Variants in SRRM4 observed in about 807,000 individuals in gnomAD.
The protein encoded by SRRM4 is serine/arginine repetitive matrix protein 4.
A neutral mutation model predicts 68.9 loss-of-function variants in SRRM4; 33 were observed. That is an observed-to-expected ratio of 0.48 (90% CI 0.36 to 0.64). The LOEUF is 0.64. Ranked by LOEUF, SRRM4 falls within the 30% of genes least tolerant of loss-of-function variation. The pLI is 0.00. For synonymous variants in SRRM4, 318 were observed against 318.8 expected, an observed-to-expected ratio of 1.00 and a Z score of 0.03; for missense variants, 817 against 827.1, an observed-to-expected ratio of 0.99 and a Z score of 0.15.
intron 1 of SRRM4, among the ~76,000 whole-genome samples, chr12:119,016,428 G>A (rs1953481391): frequency 6.7e-6 from 1 of 148,444 alleles, no homozygotes; most frequent in Admixed American, 6.8e-5. Context: ...TTGCCCTCCA[G>A]AGTTCAGAAT....
chr12:119,020,809 G>A (rs1953511420), intron 1 of SRRM4, among the ~76,000 whole-genome samples: 1 of 152,232 alleles, frequency 6.6e-6, no homozygotes, highest in South Asian at 2.1e-4. Context: ...GGGAAATAAA[G>A]AGGATTTTAT....
intron 1 of SRRM4, among the ~76,000 whole-genome samples, chr12:118,995,839 T>G (rs896972365): frequency 1.3e-5 from 2 of 152,310 alleles, no homozygotes; most frequent in African/African-American, 4.8e-5. Flanking sequence ...CCTGCATCCA[T>G]TTATTTATCC....
At chr12:119,084,561 C>T (rs1302103333) in intron 1 of SRRM4, among the ~76,000 whole-genome samples, 1 of 152,198 alleles carries the variant, frequency 6.6e-6, no homozygotes, top group Non-Finnish European at 1.5e-5. Context: ...CCTTAGTTAA[C>T]CTCTCCCTTG....
chr12:119,089,669 A>G (rs770182842), intron 1 of SRRM4, among the ~76,000 whole-genome samples: 1 of 152,140 alleles, frequency 6.6e-6, no homozygotes, highest in Non-Finnish European at 1.5e-5. Flanking sequence ...GCAGAGTTGG[A>G]GTCTTCTGAG....
At chr12:119,075,602 TTGA>T (rs1323302364) in intron 1 of SRRM4, among the ~76,000 whole-genome samples, 4 of 92,160 alleles carry the variant, frequency 4.3e-5, no homozygotes, top group Admixed American at 3.1e-4. Flanking sequence ...GATGATGATG[TTGA>T]TGATGGTGGT....
chr12:119,034,255 C>A (rs1431304415), intron 1 of SRRM4, among the ~76,000 whole-genome samples: 1 of 152,174 alleles, frequency 6.6e-6, no homozygotes, highest in Non-Finnish European at 1.5e-5. Flanking sequence ...CCACACCAAT[C>A]ATTGAAAACA....
At chr12:119,037,193 G>A (rs953157499) in intron 1 of SRRM4, among the ~76,000 whole-genome samples, 1 of 152,112 alleles carries the variant, frequency 6.6e-6, no homozygotes, top group African/African-American at 2.4e-5. Context: ...GGTGATGGGG[G>A]TTTGGGGGAT....
intron 1 of SRRM4, among the ~76,000 whole-genome samples, chr12:119,020,479 G>T (rs1953509648): frequency 6.6e-6 from 1 of 152,192 alleles, no homozygotes; most frequent in Non-Finnish European, 1.5e-5. Context: ...AAACCCAGTG[G>T]CCCCGGGCAG....
At chr12:119,084,300 G>T (rs1274700150) in intron 1 of SRRM4, among the ~76,000 whole-genome samples, 1 of 152,162 alleles carries the variant, frequency 6.6e-6, no homozygotes, top group Non-Finnish European at 1.5e-5. Flanking sequence ...GAACTGAGGA[G>T]CTACCTCTTC....
chr12:119,141,435 C>T (rs115648882), intron 8 of SRRM4, among the ~76,000 whole-genome samples: 1,845 of 152,188 alleles, frequency 0.012, 24 homozygotes, highest in African/African-American at 0.029. Context: ...GAGGTTCTCT[C>T]GAGCTCACAC....
chr12:119,006,922 C>T (rs899500308), intron 1 of SRRM4, among the ~76,000 whole-genome samples: 11 of 152,202 alleles, frequency 7.2e-5, no homozygotes, highest in African/African-American at 2.4e-4. Flanking sequence ...TGGGCTGCTC[C>T]GAGCTGTGTG....
intron 1 of SRRM4, among the ~76,000 whole-genome samples, chr12:119,011,900 C>T (rs1466821195): frequency 6.6e-6 from 1 of 152,196 alleles, no homozygotes. Flanking sequence ...CTTTGCCTTC[C>T]TCAGCTCTAA....
At chr12:119,120,524 T>A (rs570421078) in intron 5 of SRRM4, among the ~76,000 whole-genome samples, 1 of 74,368 alleles carries the variant, frequency 1.3e-5, no homozygotes, top group African/African-American at 6.5e-5. Context: ...GACCCCAGAA[T>A]GTCTCATTAC....
intron 8 of SRRM4, among the ~76,000 whole-genome samples, chr12:119,141,029 C>T (rs1166734731): frequency 2.0e-5 from 3 of 152,188 alleles, no homozygotes; most frequent in Non-Finnish European, 2.9e-5. Flanking sequence ...GTAGCCTCCA[C>T]CTCCCAGGTT....
chr12:119,048,645 T>A (rs1254974257), intron 1 of SRRM4, among the ~76,000 whole-genome samples: 1 of 152,012 alleles, frequency 6.6e-6, no homozygotes, highest in Non-Finnish European at 1.5e-5. Flanking sequence ...TAATAGCAAT[T>A]GCGGGCTGGG....
intron 1 of SRRM4, among the ~76,000 whole-genome samples, chr12:119,066,206 A>C (rs752582885): frequency 4.9e-4 from 74 of 152,290 alleles, no homozygotes; most frequent in Non-Finnish European, 2.4e-4. Context: ...TAATAACAAT[A>C]GCTATTATTT....
chr12:119,002,115 T>G (rs1953388309), intron 1 of SRRM4, among the ~76,000 whole-genome samples: 1 of 152,188 alleles, frequency 6.6e-6, no homozygotes, highest in African/African-American at 2.4e-5. Context: ...AAATACAGCT[T>G]TCAATGTGGC....
chr12:119,115,593 G>A (rs2136049018), intron 3 of SRRM4, among the ~76,000 whole-genome samples: 1 of 152,350 alleles, frequency 6.6e-6, no homozygotes, highest in East Asian at 1.9e-4. Flanking sequence ...GGCTCAAAGA[G>A]GAGCCAGGGG....
chr12:119,045,359 T>C (rs1046134367), intron 1 of SRRM4, among the ~76,000 whole-genome samples: 1 of 148,182 alleles, frequency 6.7e-6, no homozygotes, highest in Non-Finnish European at 1.5e-5. Context: ...TTTAACAGTA[T>C]CTTTGATGAA....
Sources: gnomAD v4.1 joint callset for allele counts (sites outside exome capture counted in the v4.1 genomes callset) on GRCh38, gnomAD v4.1.1 for gene constraint, MANE v1.5 for transcripts, NCBI Gene and HGNC (gene_info 2026-07-23, HGNC 2026-07-21) for gene names.